The following ZFHX3 variants were observed in gnomAD, a reference collection of about 807,000 sequenced individuals.
ZFHX3 encodes zinc finger homeobox 3.
Under a neutral mutation model 279.1 loss-of-function variants are expected in ZFHX3, and 42 were observed. The observed-to-expected ratio is 0.15, with a 90% CI of 0.12 to 0.19. ZFHX3 has a LOEUF of 0.19. ZFHX3 is among the 10% of genes least tolerant of loss of function. The pLI, the probability that ZFHX3 is intolerant of heterozygous loss-of-function variation, is 1.00. For synonymous variants in ZFHX3, 2,293 were observed against 1,957.8 expected, an observed-to-expected ratio of 1.17 and a Z score of -4.52; for missense variants, 4,981 against 4,754.0, an observed-to-expected ratio of 1.05 and a Z score of -1.40.
chr16:73,791,654 A>G (rs571348542), intron 1 of ZFHX3, among the ~76,000 whole-genome samples: 2 of 150,728 alleles, frequency 1.3e-5, no homozygotes, highest in East Asian at 4.1e-4. Flanking sequence ...CGATCTCCTG[A>G]CCTCGTGTTC....
chr16:73,877,307 C>T (rs2029984843), intron 1 of ZFHX3, among the ~76,000 whole-genome samples: 1 of 152,072 alleles, frequency 6.6e-6, no homozygotes, highest in Non-Finnish European at 1.5e-5. Context: ...AGACCAGACA[C>T]CCATTAGATT....
intron 3 of ZFHX3, among the ~76,000 whole-genome samples, chr16:73,348,360 C>G (rs1026510093): frequency 1.3e-5 from 2 of 152,236 alleles, no homozygotes; most frequent in Non-Finnish European, 2.9e-5. Context: ...TTAATCACCT[C>G]TCTGGCAAGG....
At chr16:72,898,569 C>T (rs2038954468) in intron 3 of ZFHX3, among the ~76,000 whole-genome samples, 1 of 152,076 alleles carries the variant, frequency 6.6e-6, no homozygotes, top group Admixed American at 6.5e-5. Context: ...TGACTCTTTC[C>T]TGGAAAAACA....
rs562128028 is a variant in ZFHX3, at chr16:73,177,092, C to T, written c.-1103-33261G>A. Among the ~76,000 whole-genome samples, 5 of 152,232 alleles carry T rather than the reference C, an allele frequency of 3.3e-5. No individual in the cohort carries two copies. In the East Asian group the frequency reaches 5.8e-4, roughly 18 times the overall value. On this transcript the variant is annotated intron_variant, in intron 5 of 17. Transcript: ENST00000641206. ...GAGTTATTAGAAAAAGCCCAAATAACGATTAATTCCTAAAATTAATATCTG... is the reference window on the plus strand; with the variant it reads ...GAGTTATTAGAAAAAGCCCAAATAATGATTAATTCCTAAAATTAATATCTG...
chr16:73,302,608 C>T (rs1405997607), intron 4 of ZFHX3, among the ~76,000 whole-genome samples: 2 of 152,242 alleles, frequency 1.3e-5, no homozygotes, highest in African/African-American at 2.4e-5. Context: ...GCCTTGATAA[C>T]CTCCAGTTGG....
At chr16:73,466,735 G>C (rs1434816431) in intron 2 of ZFHX3, among the ~76,000 whole-genome samples, 1 of 152,110 alleles carries the variant, frequency 6.6e-6, no homozygotes, top group Non-Finnish European at 1.5e-5. Flanking sequence ...AACCCCAGTA[G>C]GCACCTATGT....
intron 3 of ZFHX3, among the ~76,000 whole-genome samples, chr16:72,896,843 G>A (rs1283632861): frequency 6.6e-6 from 1 of 152,182 alleles, no homozygotes; most frequent in Non-Finnish European, 1.5e-5. Flanking sequence ...CTTTAAAGTA[G>A]AAACAGACAA....
At chr16:73,884,546 A>G (rs888752543) in intron 1 of ZFHX3, among the ~76,000 whole-genome samples, 1 of 152,200 alleles carries the variant, frequency 6.6e-6, no homozygotes, top group Non-Finnish European at 1.5e-5. Flanking sequence ...TTTGGATTCA[A>G]AAGCACTTTG....
chr16:73,090,192 G>A (rs1454855496), intron 8 of ZFHX3, among the ~76,000 whole-genome samples: 2 of 152,180 alleles, frequency 1.3e-5, no homozygotes, highest in Non-Finnish European at 2.9e-5. Context: ...TCAGGAGTTT[G>A]AGACCAGCCT....
chr16:73,762,770 G>A (rs1330552143), intron 1 of ZFHX3, among the ~76,000 whole-genome samples: 1 of 152,180 alleles, frequency 6.6e-6, no homozygotes, highest in Non-Finnish European at 1.5e-5. Flanking sequence ...AGTGGGAGCT[G>A]AACAGTGTGA....
intron 1 of ZFHX3, among the ~76,000 whole-genome samples, chr16:73,860,098 T>C (rs1961841631): frequency 1.3e-5 from 2 of 152,142 alleles, no homozygotes; most frequent in African/African-American, 2.4e-5. Context: ...AAAGACACAA[T>C]AGCAAAGAAG....
intron 2 of ZFHX3, among the ~76,000 whole-genome samples, chr16:73,474,640 A>G (rs2018733696): frequency 6.6e-6 from 1 of 152,044 alleles, no homozygotes; most frequent in African/African-American, 2.4e-5. Flanking sequence ...GTCCCCTCTT[A>G]CAAGCAGATG....
intron 5 of ZFHX3, among the ~76,000 whole-genome samples, chr16:73,168,263 C>CTTTCTTTCTTTCT (rs1293705672): frequency 1.3e-5 from 2 of 148,552 alleles, no homozygotes; most frequent in Non-Finnish European, 3.0e-5. Context: ...TTCTTTCTTT[C>CTTTCTTTCTTTCT]TTTCTTTCTT....
At chr16:73,080,002 C>T (rs909566649) in intron 8 of ZFHX3, among the ~76,000 whole-genome samples, 1 of 152,184 alleles carries the variant, frequency 6.6e-6, no homozygotes, top group African/African-American at 2.4e-5. Context: ...CTCTCTCAGT[C>T]TGATCTTTCT....
At chr16:73,509,054 A>C (rs907033030) in intron 2 of ZFHX3, among the ~76,000 whole-genome samples, 4 of 152,186 alleles carry the variant, frequency 2.6e-5, no homozygotes, top group African/African-American at 7.2e-5. Flanking sequence ...CGTGTGCACA[A>C]AGTTGATAGT....
At chr16:73,538,381 T>C (rs190344376) in intron 2 of ZFHX3, among the ~76,000 whole-genome samples, 1 of 152,338 alleles carries the variant, frequency 6.6e-6, no homozygotes, top group East Asian at 1.9e-4. Flanking sequence ...CACCCTCTAC[T>C]TGAGTAATCA....
chr16:73,664,762 A>G (rs2052818049), intron 2 of ZFHX3, among the ~76,000 whole-genome samples: 1 of 152,234 alleles, frequency 6.6e-6, no homozygotes, highest in Non-Finnish European at 1.5e-5. Flanking sequence ...AAAGGCAGAC[A>G]TGTATAAGGT....
intron 1 of ZFHX3, among the ~76,000 whole-genome samples, chr16:73,767,465 G>A (rs1227398940): frequency 6.6e-6 from 1 of 152,074 alleles, no homozygotes; most frequent in African/African-American, 2.4e-5. Context: ...TATAAGATTT[G>A]GAGATTATCC....
At chr16:72,828,313 T>A (rs1410953971) in intron 5 of ZFHX3, among the ~76,000 whole-genome samples, 1 of 152,224 alleles carries the variant, frequency 6.6e-6, no homozygotes, top group East Asian at 1.9e-4. Context: ...CTCTTATTAT[T>A]TTCTAGAAGG....
Sources: gnomAD v4.1 joint callset for allele counts (sites outside exome capture counted in the v4.1 genomes callset) on GRCh38, gnomAD v4.1.1 for gene constraint, MANE v1.5 for transcripts, NCBI Gene and HGNC (gene_info 2026-07-23, HGNC 2026-07-21) for gene names.